KCNH2: variants seen among roughly 807,000 people sequenced by gnomAD.
KCNH2 encodes the protein potassium voltage-gated channel subfamily H member 2.
Under a neutral mutation model 95.9 loss-of-function variants are expected in KCNH2, and 35 were observed. The observed-to-expected ratio is 0.37, with a 90% CI of 0.28 to 0.48. KCNH2 has a LOEUF of 0.48. KCNH2 is among the 20% of genes least tolerant of loss of function. KCNH2 has a pLI of 0.99. For synonymous variants in KCNH2, 786 were observed against 754.7 expected, an observed-to-expected ratio of 1.04 and a Z score of -0.68; for missense variants, 1,274 against 1,702.9, an observed-to-expected ratio of 0.75 and a Z score of 4.43.
chr7:150,957,273 C>T lies in KCNH2; in HGVS notation c.1128+18G>A, dbSNP rs1315084650. The T allele has an allele frequency of 1.1e-5, 17 of 1,551,010 alleles. No individual in the cohort carries two copies. Among genetic ancestry groups the T allele is most frequent in the East Asian group, 2.4e-5 (1 of 41,220 alleles). ...GCTCCTCCAAGGTGAGAGGAGAGCCCGGCCGCTGGGCGCCTACCTGGGTGA... is the reference window on the plus strand; with the variant it reads ...GCTCCTCCAAGGTGAGAGGAGAGCCTGGCCGCTGGGCGCCTACCTGGGTGA... On this transcript the variant is annotated intron_variant, in intron 5 of 14. Transcript: ENST00000262186.
At position 150,945,072 on chromosome 7, in the gene KCNH2, C is replaced by T; in HGVS notation, c.*293G>A. 2.3e-6 allele frequency: 1 copy of T among 440,702 alleles called. No individual in the cohort carries two copies. The highest frequency in any genetic ancestry group is 5.1e-5 in the South Asian group (1 of 19,548). 27.3% of individuals were successfully genotyped at this position (440,702 alleles called of 1,614,324 possible). On this transcript the variant is annotated 3_prime_UTR_variant, in exon 15 of 15. Coordinates refer to ENST00000262186, the MANE Select transcript of KCNH2 (RefSeq NM_000238.4). This position sits in a 1 kb window ranked among gnomAD's most constrained non-coding sequence, Gnocchi z 5.6. Reference sequence around the variant, plus strand: ...AAGAGCAGTAAATAGCAGAAAAGTCCTTGAGGTGCCTAAGGCCCAGGGCCG... The same window carrying T: ...AAGAGCAGTAAATAGCAGAAAAGTCTTTGAGGTGCCTAAGGCCCAGGGCCG...
Position 150,945,628 on chromosome 7 carries a change from A to G in KCNH2, c.3331-114T>C. ...GATGGACGGGAGGACAGGAGGGCCA[A>G]GAGGAGAGTCAGGTGGGCAGAGAAG... On this transcript the variant is annotated intron_variant, in intron 14 of 14. Transcript: ENST00000262186. The surrounding 1 kb of genome is among the most constrained non-coding windows in gnomAD (Gnocchi z 5.6). The G allele has an allele frequency of 8.8e-7, 1 of 1,135,114 alleles. No homozygotes were observed. Among genetic ancestry groups the G allele is most frequent in the Non-Finnish European group, 1.3e-6 (1 of 772,304 alleles). The allele number at this position is 1,135,114 out of a possible 1,614,324, so 70.3% of individuals were successfully genotyped here.
Position 150,948,493 on chromosome 7 carries a change from G to T in KCNH2, c.2643C>A (p.Phe881Leu). ...ACAACTTGCGCTTGCGTTGCCGACT[G>T]AAGCCACCCTCTAACTCCGTACTGC... The part of the protein sequence containing the change: ...SPGSTELEGG[F>L]SRQRKRKLSF... Residue 881 changes from phenylalanine to leucine, a missense_variant, in exon 11 of 15, where the codon TTC becomes TTA. Phe to Leu is a conservative substitution (Grantham distance 22). Coordinates refer to ENST00000262186, the MANE Select transcript of KCNH2 (RefSeq NM_000238.4). 6.2e-7 allele frequency: 1 copy of T among 1,612,422 alleles called. No homozygotes were observed.
Position 150,958,152 on chromosome 7 carries a change from T to G in KCNH2, c.823A>C (p.Ser275Arg), listed in dbSNP as rs1268162009. 2.7e-5 allele frequency: 36 copies of G among 1,331,678 alleles called. No homozygotes were observed. Among genetic ancestry groups the G allele is most frequent in the Non-Finnish European group, 3.1e-5 (32 of 1,043,768 alleles). 82.5% of individuals were successfully genotyped at this position (1,331,678 alleles called of 1,614,324 possible). A position where few individuals can be genotyped will look rare whatever the true frequency, so the allele number is the denominator to read the frequency against. Reference protein sequence around the residue: ...CSLARTRSRESCASVRRASSA... With the variant: ...CSLARTRSRERCASVRRASSA... ...GAGGCGCGGCGCACGCTGGCGCAGC[T>G]TTCTCGGGAGCGCGTCCGGGCCAGG... is the stretch of plus-strand genomic sequence containing the variant. The change falls in exon 4 of 15, where the codon AGC (serine) becomes CGC (arginine). Residue 275 changes from serine (S) to arginine (R), a missense_variant. By Grantham distance (110) the Ser-to-Arg change is moderately radical (BLOSUM62 -1). Coordinates refer to ENST00000262186, the MANE Select transcript of KCNH2 (RefSeq NM_000238.4).
Position 150,974,943 on chromosome 7 carries a change from TA to T in KCNH2, c.77-3del, listed in dbSNP as rs1801942689. On this transcript the variant is annotated splice_region_variant and splice_polypyrimidine_tract_variant and intron_variant, in intron 1 of 14. Coordinates refer to ENST00000262186, the MANE Select transcript of KCNH2 (RefSeq NM_000238.4). The stretch of plus-strand genomic sequence containing the variant: ...CGTTGGCGATGATGAACTTACGGCC[TA>T]GGGGGGCGGGGAGGAGAGTGCGCGT... 1 of 1,592,024 alleles carries T rather than the reference TA, an allele frequency of 6.3e-7. No homozygotes were observed. Among genetic ancestry groups the T allele is most frequent in the Non-Finnish European group, 8.5e-7 (1 of 1,170,504 alleles).
At chr7:150,949,651 G>C (rs1310578418) in intron 9 of KCNH2, 2 of 1,128,828 alleles carry the variant, frequency 1.8e-6, no homozygotes, top group Non-Finnish European at 2.2e-6. Flanking sequence ...GAGGCACACA[G>C]GGCCGAGGGA....
In KCNH2 at chr7:150,952,652, C is replaced by G; in HGVS notation, c.1330G>C (p.Glu444Gln). The G allele has an allele frequency of 6.2e-7, 1 of 1,614,200 alleles. No homozygotes were observed. The highest frequency in any genetic ancestry group is 1.1e-5 in the South Asian group (1 of 91,086). The part of the protein sequence containing the change: ...KETEEGPPAT[E>Q]CGYACQPLAV... ...AGCGGCTGGCAGGCGTAGCCACACT[C>G]GGTAGCAGGCGGGCCTTCTTCCGTC... The change falls in exon 6 of 15, where the codon GAG (glutamate) becomes CAG (glutamine). Residue 444 changes from glutamate to glutamine, a missense_variant. This residue lies in a region of KCNH2 where 147 missense variants were observed against 344.4 expected (regional missense o/e 0.43). Transcript: ENST00000262186. The surrounding 1 kb of genome is among the most constrained non-coding windows in gnomAD (Gnocchi z 7.3).
At chr7:150,977,632 A>G (rs985590300) in intron 1 of KCNH2, among the ~76,000 whole-genome samples, 7 of 149,786 alleles carry the variant, frequency 4.7e-5, no homozygotes, top group Non-Finnish European at 8.9e-5. Context: ...CCAAGCCCCA[A>G]CCCCAAACCC....
At position 150,946,550 on chromosome 7, in the gene KCNH2, C is replaced by A. The variant is rs926463727; in HGVS notation, c.3330+327G>T. Among the ~76,000 whole-genome samples, 1 of 152,212 alleles carries A rather than the reference C, an allele frequency of 6.6e-6. No individual in the cohort carries two copies. Among genetic ancestry groups the A allele is most frequent in the Non-Finnish European group, 1.5e-5 (1 of 68,034 alleles). On this transcript the variant is annotated intron_variant, in intron 14 of 14. Transcript: ENST00000262186. The surrounding 1 kb of genome is among the most constrained non-coding windows in gnomAD (Gnocchi z 6.5). ...CCCGTGGCCGTGAGACAGGCACCAC[C>A]GTTGGAGCTGGCTCTTCAGGCGATG... is the stretch of plus-strand genomic sequence containing the variant.
chr7:150,977,000 C>T (rs995454006), intron 1 of KCNH2, among the ~76,000 whole-genome samples: 2 of 152,108 alleles, frequency 1.3e-5, no homozygotes, highest in Non-Finnish European at 1.5e-5. Context: ...GCAGTCACAC[C>T]CACTGTGGCT....
intron 10 of KCNH2, 150 bp downstream of exon 10, chr7:150,948,706 G>C (rs1801018551): frequency 9.3e-7 from 1 of 1,078,456 alleles, no homozygotes; most frequent in Non-Finnish European, 1.4e-6. Context: ...CAAAGACTGA[G>C]TTTGGGACTT....
Position 150,958,091 on chromosome 7 carries a change from AC to A in KCNH2, c.883del (p.Val295CysfsTer65). 7.8e-7 allele frequency: 1 copy of A among 1,279,948 alleles called. No homozygotes were observed. The highest frequency in any genetic ancestry group is 2.7e-5 in the South Asian group (1 of 36,372). The allele number at this position is 1,279,948 out of a possible 1,614,324, so 79.3% of individuals were successfully genotyped here. On this transcript the variant is annotated frameshift_variant, in exon 4 of 15. Transcript: ENST00000262186. LOFTEE classifies it high-confidence loss of function. ...ADDIEAMRAG[V>X]LPPPPRHAST... Reference sequence around the variant, plus strand: ...GGCGTGGCGCGGTGGCGGGGGCAGCACCCCGGCGCGCATGGCCTCGATGTCG... The same window carrying A: ...GGCGTGGCGCGGTGGCGGGGGCAGCACCCGGCGCGCATGGCCTCGATGTCG...
chr7:150,953,906 C>A (rs986936407), intron 5 of KCNH2, among the ~76,000 whole-genome samples: 1 of 152,232 alleles, frequency 6.6e-6, no homozygotes, highest in Non-Finnish European at 1.5e-5. Context: ...GGCCCCCACA[C>A]CCTCAGGCTT....
intron 2 of KCNH2, among the ~76,000 whole-genome samples, chr7:150,965,065 C>G (rs555916808): frequency 6.6e-6 from 1 of 151,148 alleles, no homozygotes; most frequent in Non-Finnish European, 1.5e-5. Flanking sequence ...TGTGTGTGTG[C>G]GCGCGTGTGT....
At position 150,958,246 on chromosome 7, in the gene KCNH2, G is replaced by T; in HGVS notation, c.729C>A (p.Ser243Arg). Residue 243 changes from serine (S) to arginine (R), a missense_variant, in exon 4 of 15, where the codon AGC (serine) becomes AGA (arginine). Physicochemically the swap from Ser to Arg is moderately radical, Grantham distance 110. This residue lies in a region of KCNH2 where 392 missense variants were observed against 429.9 expected (regional missense o/e 0.91). Coordinates refer to ENST00000262186, the MANE Select transcript of KCNH2 (RefSeq NM_000238.4). ...ALVGPGSPPR[S>R]APGQLPSPRA... is the part of the protein sequence containing the mutation. ...GGGGCGATGGGAGCTGGCCGGGCGC[G>T]CTGCGGGGCGGAGAGCCGGGACCCA... 7.1e-7 allele frequency: 1 copy of T among 1,406,832 alleles called. No individual in the cohort carries two copies. The allele number at this position is 1,406,832 out of a possible 1,614,324, so 87.1% of individuals were successfully genotyped here.
rs794728398 is a variant in KCNH2, at chr7:150,947,797, C to G, written c.2774G>C (p.Gly925Ala). 8.5e-6 allele frequency: 13 copies of G among 1,532,754 alleles called. No individual in the cohort carries two copies. The highest frequency in any genetic ancestry group is 4.1e-5 in the African/African-American group (3 of 72,836). 94.9% of individuals were successfully genotyped at this position (1,532,754 alleles called of 1,614,324 possible). Residue 925 changes from glycine to alanine, a missense_variant, in exon 12 of 15, where the codon GGG (glycine) becomes GCG (alanine). By Grantham distance (60) the Gly-to-Ala change is moderately conservative. This residue lies in a region of KCNH2 where 457 missense variants were observed against 416.1 expected (regional missense o/e 1.10). Coordinates refer to ENST00000262186, the MANE Select transcript of KCNH2 (RefSeq NM_000238.4). ...AGPSSRGRPG[G>A]PWGESPSSGP... Reference sequence around the variant, plus strand: ...ACTGGACGGGCTCTCCCCCCACGGCCCCCCCGGCCGGCCCCGGCTACTCGG... The same window carrying G: ...ACTGGACGGGCTCTCCCCCCACGGCGCCCCCGGCCGGCCCCGGCTACTCGG...
chr7:150,946,079 C>T lies in KCNH2; in HGVS notation c.3331-565G>A, dbSNP rs781219646. The stretch of plus-strand genomic sequence containing the variant: ...TGGCACATTTGCTGACGTGGGCCCT[C>T]GTGTCTGCAAACAGGAGCAGGCAGC... On this transcript the variant is annotated intron_variant, in intron 14 of 14. Coordinates refer to ENST00000262186, the MANE Select transcript of KCNH2 (RefSeq NM_000238.4). The surrounding 1 kb of genome is among the most constrained non-coding windows in gnomAD (Gnocchi z 6.5). Among the ~76,000 whole-genome samples the T allele has an allele frequency of 3.9e-5, 6 of 152,086 alleles. No homozygotes were observed. The South Asian group carries it at 8.3e-4, about 21-fold the overall frequency.
At chr7:150,966,394 CA>C (rs58910088) in intron 2 of KCNH2, among the ~76,000 whole-genome samples, 1,496 of 16,442 alleles carry the variant, frequency 0.091, 76 homozygotes, top group East Asian at 0.21. Context: ...CCCCCCCCCA[CA>C]CACACACACA....
intron 10 of KCNH2, 38 bp downstream of exon 10, chr7:150,948,818 G>A: frequency 6.3e-7 from 1 of 1,579,222 alleles, no homozygotes; most frequent in Non-Finnish European, 8.7e-7. Flanking sequence ...ACAGCTGGAA[G>A]CAGGAGGATG....
Sources: gnomAD v4.1 joint callset for allele counts (sites outside exome capture counted in the v4.1 genomes callset) on GRCh38, gnomAD v4.1.1 for gene constraint, gnomAD v4.1.1 regional missense constraint, Gnocchi (gnomAD v3.1) non-coding constraint, MANE v1.5 for transcripts, NCBI Gene and HGNC (gene_info 2026-07-23, HGNC 2026-07-21) for gene names.